The following ZNF749 variants were observed in gnomAD, a reference collection of about 807,000 sequenced individuals.
The protein encoded by ZNF749 is zinc finger protein 749.
A neutral mutation model predicts 7.3 loss-of-function variants in ZNF749; 8 were observed. The observed-to-expected ratio is 1.10, with a 90% CI of 0.64 to 1.98. ZNF749 has a LOEUF of 1.98. Ranked by LOEUF, ZNF749 falls within the 30% of genes most tolerant of loss-of-function variation. The pLI, the probability that ZNF749 is intolerant of heterozygous loss-of-function variation, is 0.00. For missense variants in ZNF749, 898 were observed against 932.4 expected (o/e 0.96, Z 0.48); for synonymous variants, 310 against 322.4 (o/e 0.96, Z 0.41).
At chr19:57,429,127 C>T in the ZNF749 span, among the ~76,000 whole-genome samples, 31 of 152,074 alleles carry the variant, frequency 2.0e-4, no homozygotes, top group Non-Finnish European at 2.8e-4. The surrounding 1 kb of genome is among the most constrained non-coding windows in gnomAD (Gnocchi z 4.2). Flanking sequence ...TGGGTTCAAG[C>T]GATTCTCCTG....
In ZNF749 at chr19:57,435,591, G is replaced by C. The variant is rs373773121; in HGVS notation, c.13G>C (p.Glu5Gln). 2 of 1,606,334 alleles carry C rather than the reference G, an allele frequency of 1.2e-6. No homozygotes were observed. The highest frequency in any genetic ancestry group is 1.7e-6 in the Non-Finnish European group (2 of 1,177,466). ...GGAGGCCGCGCCGATGAACCTGACCGAGGTGCGTGCAGCGTCCCAGGCCGC... is the reference window on the plus strand; with the variant it reads ...GGAGGCCGCGCCGATGAACCTGACCCAGGTGCGTGCAGCGTCCCAGGCCGC... The part of the protein sequence containing the change: MNLT[E>Q]DCMVFEDVAI... Residue 5 changes from glutamate to glutamine, a missense_variant and splice_region_variant, in exon 1 of 3, where the codon GAG (glutamate) becomes CAG (glutamine). Coordinates refer to ENST00000334181, the MANE Select transcript of ZNF749 (RefSeq NM_001023561.4).
intron 1 of ZNF749, among the ~76,000 whole-genome samples, chr19:57,441,070 G>A (rs1455244973): frequency 1.5e-5 from 2 of 137,564 alleles, no homozygotes; most frequent in African/African-American, 2.8e-5. Context: ...AAGTTGCAGT[G>A]AGCCACTGCA....
chr19:57,428,972 A>G, the ZNF749 span, among the ~76,000 whole-genome samples: 1 of 152,202 alleles, frequency 6.6e-6, no homozygotes, highest in Non-Finnish European at 1.5e-5. Context: ...CTAAGGCTGA[A>G]TAATATTCCA....
Position 57,446,746 on chromosome 19 carries a change from C to T in ZNF749, c.*1261C>T, listed in dbSNP as rs528190131. ...CAAACCTGAAGGGCACAGCCTATTA[C>T]GCACCTAGGCTATATGATATGGTCC... On this transcript the variant is annotated 3_prime_UTR_variant, in exon 3 of 3. Transcript: ENST00000334181. 6.6e-5 allele frequency among the ~76,000 whole-genome samples: 10 copies of T among 152,212 alleles called. No individual in the cohort carries two copies. The East Asian group carries it at 1.5e-3, about 23-fold the overall frequency.
In ZNF749 at chr19:57,445,235, A is replaced by G; in HGVS notation, c.2087A>G (p.His696Arg). Residue 696 changes from histidine to arginine, a missense_variant, in exon 3 of 3, where the codon CAT becomes CGT. By Grantham distance (29) the His-to-Arg change is conservative. Coordinates refer to ENST00000334181, the MANE Select transcript of ZNF749 (RefSeq NM_001023561.4). ...AAAGTTTGCACTGGGGAGAAGCCTC[A>G]TGAGTGCAGTAAATGTAGGGAATTG... is the stretch of plus-strand genomic sequence containing the variant. The part of the protein sequence containing the change: ...HHKVCTGEKP[H>R]ECSKCRELFR... The G allele has an allele frequency of 6.2e-7, 1 of 1,614,058 alleles. No individual in the cohort carries two copies. Among genetic ancestry groups the G allele is most frequent in the South Asian group, 1.1e-5 (1 of 91,082 alleles).
upstream of ZNF749, among the ~76,000 whole-genome samples, chr19:57,430,378 G>T (rs1010254424): frequency 6.6e-6 from 1 of 152,156 alleles, no homozygotes; most frequent in African/African-American, 2.4e-5. Flanking sequence ...GAGCCCTCAT[G>T]ATCTGAAGCC....
intron 1 of ZNF749, 112 bp downstream of exon 1, chr19:57,435,705 T>C (rs893583954): frequency 6.7e-7 from 1 of 1,494,778 alleles, no homozygotes; most frequent in Admixed American, 2.2e-5. Context: ...GGCGTTCTTG[T>C]GTGGGGTGCC....
chr19:57,434,580 ACGT>A (rs998324752), upstream of ZNF749, among the ~76,000 whole-genome samples: 20 of 152,022 alleles, frequency 1.3e-4, no homozygotes, highest in Middle Eastern at 3.4e-3. Context: ...TTGATGTCTT[ACGT>A]CTTCCTAAAT....
At chr19:57,431,814 C>T (rs188795076), upstream of ZNF749, among the ~76,000 whole-genome samples, 120 of 152,194 alleles carry the variant, frequency 7.9e-4, no homozygotes, top group Admixed American at 2.3e-3. Flanking sequence ...AGAGCCTATG[C>T]TTGAGTTTTT....
Position 57,446,156 on chromosome 19 carries a change from G to C in ZNF749, c.*671G>C, listed in dbSNP as rs1029523915. ...ACCAGTCTGTGGCCTGTTAGGAACC[G>C]GGCCAGCATCACTACCTGAGCTTCA... On this transcript the variant is annotated 3_prime_UTR_variant, in exon 3 of 3. Coordinates refer to ENST00000334181, the MANE Select transcript of ZNF749 (RefSeq NM_001023561.4). Among the ~76,000 whole-genome samples the C allele has an allele frequency of 6.6e-6, 1 of 152,028 alleles. No homozygotes were observed. Among genetic ancestry groups the C allele is most frequent in the East Asian group, 1.9e-4 (1 of 5,166 alleles).
In ZNF749 at chr19:57,441,976, T is replaced by G. The variant is rs773319305; in HGVS notation, c.107T>G (p.Val36Gly). The G allele has an allele frequency of 6.2e-7, 1 of 1,614,118 alleles. No individual in the cohort carries two copies. Among genetic ancestry groups the G allele is most frequent in the Non-Finnish European group, 8.5e-7 (1 of 1,180,004 alleles). ...GCTCAGAGACACCTGCACAGCAATG[T>G]GATGTTGGAGAACTTTGCGCTTTTG... Reference protein sequence around the residue: ...NDAQRHLHSNVMLENFALLSS... With the variant: ...NDAQRHLHSNGMLENFALLSS... Residue 36 changes from valine to glycine, a missense_variant, in exon 2 of 3, where the codon GTG becomes GGG. Transcript: ENST00000334181.
At position 57,444,991 on chromosome 19, in the gene ZNF749, A is replaced by T; in HGVS notation, c.1843A>T (p.Ser615Cys). The change falls in exon 3 of 3, where the codon AGC becomes TGC. Residue 615 changes from serine to cysteine, a missense_variant. Ser to Cys is a moderately radical substitution (Grantham distance 112). Transcript: ENST00000334181. ...IHTGEKPYKC[S>C]KCGKFFRYRC... ...CACTGGAGAAAAGCCTTATAAATGCAGCAAATGTGGGAAATTCTTTAGATA... is the reference window on the plus strand; with the variant it reads ...CACTGGAGAAAAGCCTTATAAATGCTGCAAATGTGGGAAATTCTTTAGATA... 1 of 1,614,224 alleles carries T rather than the reference A, an allele frequency of 6.2e-7. No individual in the cohort carries two copies.
At position 57,443,375 on chromosome 19, in the gene ZNF749, C is replaced by T; in HGVS notation, c.227C>T (p.Pro76Leu). ...VRVLQVTIPK[P>L]ALSTLKAQPC... ...GTGTTACAGGTCACAATTCCAAAGC[C>T]AGCTTTGTCCACCCTGAAGGCCCAG... Residue 76 changes from proline to leucine, a missense_variant, in exon 3 of 3, where the codon CCA becomes CTA. Transcript: ENST00000334181. The T allele has an allele frequency of 3.1e-6, 5 of 1,614,204 alleles. No homozygotes were observed. The highest frequency in any genetic ancestry group is 4.2e-6 in the Non-Finnish European group (5 of 1,180,030).
Position 57,435,462 on chromosome 19 carries a change from A to C in ZNF749, c.-117A>C. The stretch of plus-strand genomic sequence containing the variant: ...GCGAGAAGCGGTGTTCCTTCTACAC[A>C]GAGGCTAGAGTGCGGATCGGCTGAG... On this transcript the variant is annotated 5_prime_UTR_variant, in exon 1 of 3. Coordinates refer to ENST00000334181, the MANE Select transcript of ZNF749 (RefSeq NM_001023561.4). 6.9e-7 allele frequency: 1 copy of C among 1,455,196 alleles called. No individual in the cohort carries two copies. The highest frequency in any genetic ancestry group is 2.4e-4 in the Middle Eastern group (1 of 4,216). 90.1% of individuals were successfully genotyped at this position (1,455,196 alleles called of 1,614,324 possible). A position where few individuals can be genotyped will look rare whatever the true frequency, so the allele number is the denominator to read the frequency against.
rs2088963553 is a variant in ZNF749, at chr19:57,439,130, G to A, written c.16-2755G>A. ...CAGGTTTTAGTGGCTCCCTCTGCCT[G>A]CAGAATGGAAGACCACGTGCAGGTG... On this transcript the variant is annotated intron_variant, in intron 1 of 2. Transcript: ENST00000334181. The surrounding 1 kb of genome is among the most constrained non-coding windows in gnomAD (Gnocchi z 4.3). Among the ~76,000 whole-genome samples, 1 of 152,154 alleles carries A rather than the reference G, an allele frequency of 6.6e-6. No homozygotes were observed. Among genetic ancestry groups the A allele is most frequent in the African/African-American group, 2.4e-5 (1 of 41,424 alleles).
At position 57,443,586 on chromosome 19, in the gene ZNF749, C is replaced by T. The variant is rs773100178; in HGVS notation, c.438C>T (p.His146=). Residue 146 remains histidine (H), a synonymous_variant, in exon 3 of 3, where the codon CAC becomes CAT. Transcript: ENST00000334181. ...WRPSFVNHSA[H]VGERNFTCTQ... is the part of the protein sequence containing the mutation. ...CTTCATTTGTGAACCACAGTGCTCA[C>T]GTGGGAGAGAGGAACTTCACATGCA... The T allele has an allele frequency of 1.3e-5, 21 of 1,614,106 alleles. No homozygotes were observed. The Middle Eastern group carries it at 4.9e-4, about 38-fold the overall frequency.
At position 57,443,793 on chromosome 19, in the gene ZNF749, A is replaced by C. The variant is rs1353164512; in HGVS notation, c.645A>C (p.Gln215His). Residue 215 changes from glutamine (Q) to histidine (H), a missense_variant, in exon 3 of 3, where the codon CAA becomes CAC. Transcript: ENST00000334181. Reference sequence around the variant, plus strand: ...ACCAACATGGGCTGTTTGAGCACCAAAAAACCCATAATGGGGAGAGGCCTT... The same window carrying C: ...ACCAACATGGGCTGTTTGAGCACCACAAAACCCATAATGGGGAGAGGCCTT... ...FCHQHGLFEH[Q>H]KTHNGERPYE... 2 of 1,614,218 alleles carry C rather than the reference A, an allele frequency of 1.2e-6. No homozygotes were observed. Among genetic ancestry groups the C allele is most frequent in the Admixed American group, 3.3e-5 (2 of 60,028 alleles).
At chr19:57,431,623 A>C (rs1475834383), upstream of ZNF749, among the ~76,000 whole-genome samples, 1 of 152,112 alleles carries the variant, frequency 6.6e-6, no homozygotes, top group South Asian at 2.1e-4. Flanking sequence ...AAATCTGAGA[A>C]TACTCTTTCT....
In ZNF749 at chr19:57,445,390, GAA is replaced by G; in HGVS notation, c.2244_2245del (p.Arg749ValfsTer3). 6.2e-7 allele frequency: 1 copy of G among 1,613,988 alleles called. No homozygotes were observed. Among genetic ancestry groups the G allele is most frequent in the Non-Finnish European group, 8.5e-7 (1 of 1,179,886 alleles). On this transcript the variant is annotated frameshift_variant, in exon 3 of 3. Transcript: ENST00000334181. LOFTEE classifies it low-confidence loss of function (END_TRUNC). ...TCAGCGCCAAAAAACTCACACTGGA[GAA>G]AGGTCTTATGAGTGTGGTGAATCCA... ...TGQRQKTHTG[E>X]RSYECGESSK... is the part of the protein sequence containing the mutation.
Sources: gnomAD v4.1 joint callset for allele counts (sites outside exome capture counted in the v4.1 genomes callset) on GRCh38, gnomAD v4.1.1 for gene constraint, Gnocchi (gnomAD v3.1) non-coding constraint, MANE v1.5 for transcripts, NCBI Gene and HGNC (gene_info 2026-07-23, HGNC 2026-07-21) for gene names.